The following TMC1 variants were observed in gnomAD, a reference collection of about 807,000 sequenced individuals.
TMC1 encodes transmembrane channel-like protein 1.
In TMC1, 84 loss-of-function variants were observed where a neutral mutation model predicts 105.8. The ratio of observed to expected loss-of-function variants is 0.79; its 90% CI spans 0.67 to 0.95. The LOEUF (loss-of-function observed/expected upper bound fraction) is 0.95. Ranked by LOEUF, TMC1 falls within the 40% of genes least tolerant of loss-of-function variation. The pLI, the probability that TMC1 is intolerant of heterozygous loss-of-function variation, is 0.00. For missense variants in TMC1, 817 were observed against 914.1 expected, an observed-to-expected ratio of 0.89 and a Z score of 1.37; for synonymous variants, 315 against 311.5, an observed-to-expected ratio of 1.01 and a Z score of -0.12.
chr9:72,644,195 C>G (rs1243849050), intron 4 of TMC1, among the ~76,000 whole-genome samples: 7 of 151,942 alleles, frequency 4.6e-5, no homozygotes, highest in African/African-American at 1.7e-4. Context: ...GTATGATTTG[C>G]AAATATTTTC....
chr9:72,623,147 G>GTTTTTTTTTTT (rs1162181237), intron 3 of TMC1, among the ~76,000 whole-genome samples: 7 of 113,668 alleles, frequency 6.2e-5, no homozygotes, highest in Non-Finnish European at 8.6e-5. Context: ...CTCTCTCCCT[G>GTTTTTTTTTTT]TTTTTTTTTT....
intron 2 of TMC1, among the ~76,000 whole-genome samples, chr9:72,589,494 AG>A (rs1336006037): frequency 6.6e-6 from 1 of 152,176 alleles, no homozygotes; most frequent in Non-Finnish European, 1.5e-5. Flanking sequence ...GTTTCATCTC[AG>A]TTTGAGATTT....
intron 1 of TMC1, among the ~76,000 whole-genome samples, chr9:72,534,638 A>G (rs1587942441): frequency 2.0e-5 from 3 of 152,198 alleles, no homozygotes; most frequent in African/African-American, 7.2e-5. Context: ...ATCATTAGAA[A>G]AACGTTAATG....
intron 1 of TMC1, 82 bp downstream of exon 1, chr9:72,521,995 T>A (rs1360581630): frequency 2.0e-5 from 3 of 152,212 alleles, no homozygotes; most frequent in Non-Finnish European, 4.4e-5. Context: ...AATCGAAGAC[T>A]TTCTCCATGA....
chr9:72,614,596 C>T (rs1825089767), intron 2 of TMC1, among the ~76,000 whole-genome samples: 1 of 152,138 alleles, frequency 6.6e-6, no homozygotes, highest in Non-Finnish European at 1.5e-5. Flanking sequence ...TAAAATATTA[C>T]AGTGAAAAAC....
intron 5 of TMC1, among the ~76,000 whole-genome samples, chr9:72,650,281 C>T (rs1324778005): frequency 1.3e-5 from 2 of 152,076 alleles, no homozygotes; most frequent in Admixed American, 6.6e-5. Flanking sequence ...AGTACTTGGG[C>T]TTCATAAGAA....
intron 1 of TMC1, among the ~76,000 whole-genome samples, chr9:72,524,041 G>A (rs945464825): frequency 2.0e-5 from 3 of 152,100 alleles, no homozygotes; most frequent in African/African-American, 4.8e-5. Context: ...ATTTTCACTC[G>A]TCAGTGCTGG....
At chr9:72,573,860 G>C (rs1283307745) in intron 1 of TMC1, among the ~76,000 whole-genome samples, 1 of 152,152 alleles carries the variant, frequency 6.6e-6, no homozygotes, top group Non-Finnish European at 1.5e-5. Flanking sequence ...CATGTCAAGA[G>C]GGTTTGTTGT....
chr9:72,582,013 A>C (rs1824483431), intron 2 of TMC1, among the ~76,000 whole-genome samples: 1 of 151,592 alleles, frequency 6.6e-6, no homozygotes. Context: ...GATGAAGTGC[A>C]ATGGCGCGAT....
chr9:72,830,320 G>C, intron 21 of TMC1, 131 bp from the exon 22 acceptor site: 2 of 718,558 alleles, frequency 2.8e-6, no homozygotes. Flanking sequence ...TAAGACAAGA[G>C]ATTTAGAGTA....
At chr9:72,749,427 T>G (rs1827542789) in intron 10 of TMC1, among the ~76,000 whole-genome samples, 1 of 152,162 alleles carries the variant, frequency 6.6e-6, no homozygotes, top group African/African-American at 2.4e-5. Context: ...TAAAACATGA[T>G]GAGTGAACCT....
At chr9:72,699,417 T>C (rs1429564648) in intron 7 of TMC1, among the ~76,000 whole-genome samples, 2 of 152,172 alleles carry the variant, frequency 1.3e-5, no homozygotes, top group Non-Finnish European at 2.9e-5. Context: ...AATAGATTTT[T>C]ATTTTTCCCG....
chr9:72,621,904 T>C (rs1026598860), intron 3 of TMC1, among the ~76,000 whole-genome samples: 5 of 152,224 alleles, frequency 3.3e-5, no homozygotes, highest in Non-Finnish European at 5.9e-5. Flanking sequence ...AATCATAAGA[T>C]ATCTGCAAAG....
chr9:72,787,817 T>C (rs1828194595), intron 13 of TMC1, among the ~76,000 whole-genome samples: 1 of 152,182 alleles, frequency 6.6e-6, no homozygotes, highest in Admixed American at 6.5e-5. Flanking sequence ...ATGTACTCAA[T>C]GTAATCTCTA....
intron 10 of TMC1, among the ~76,000 whole-genome samples, chr9:72,750,272 T>G (rs1827561572): frequency 6.6e-6 from 1 of 152,186 alleles, no homozygotes; most frequent in Non-Finnish European, 1.5e-5. Context: ...GCCAGAAGGC[T>G]CCAGAAAATC....
intron 1 of TMC1, among the ~76,000 whole-genome samples, chr9:72,541,407 G>T (rs1261266753): frequency 3.3e-5 from 5 of 152,020 alleles, no homozygotes; most frequent in Non-Finnish European, 4.4e-5. Context: ...CCTAGAAGCG[G>T]CTGGGTGCGA....
intron 1 of TMC1, among the ~76,000 whole-genome samples, chr9:72,553,214 C>T (rs984929774): frequency 3.9e-5 from 6 of 152,116 alleles, no homozygotes; most frequent in African/African-American, 1.4e-4. Context: ...CTCAGGTGAT[C>T]CACCGGCCTC....
At chr9:72,719,164 T>C (rs895382454) in intron 8 of TMC1, among the ~76,000 whole-genome samples, 1 of 152,182 alleles carries the variant, frequency 6.6e-6, no homozygotes, top group African/African-American at 2.4e-5. Context: ...GCCACCTCCC[T>C]GCCTGTCACC....
chr9:72,784,753 G>A (rs1238996110), intron 13 of TMC1, among the ~76,000 whole-genome samples: 1 of 152,182 alleles, frequency 6.6e-6, no homozygotes, highest in Non-Finnish European at 1.5e-5. Context: ...GCAATGCTAT[G>A]CAGCCATAAA....
Sources: allele counts gnomAD v4.1 joint callset (sites outside exome capture counted in the v4.1 genomes callset), GRCh38; gene constraint gnomAD v4.1.1; transcripts MANE v1.5; gene names NCBI Gene and HGNC (gene_info 2026-07-23, HGNC 2026-07-21).